Variants in LSR observed in about 807,000 individuals in gnomAD.
The protein encoded by LSR is lipolysis-stimulated lipoprotein receptor.
Under a neutral mutation model 61.8 loss-of-function variants are expected in LSR, and 44 were observed. The observed-to-expected ratio is 0.71, with a 90% CI of 0.56 to 0.91. The LOEUF (loss-of-function observed/expected upper bound fraction) is 0.91. Among genes scored for constraint, LSR ranks in the 40% least tolerant of loss-of-function variants. LSR has a pLI of 0.00. For synonymous variants in LSR, 397 were observed against 350.6 expected (o/e 1.13, Z -1.48); for missense variants, 911 against 830.5 (o/e 1.10, Z -1.19).
chr19:35,250,795 CT>C (rs564341537), intron 2 of LSR, 136 bp downstream of exon 2: 47,225 of 411,758 alleles, frequency 0.11, no homozygotes, highest in Middle Eastern at 0.15. Flanking sequence ...GGGAGCAATT[CT>C]TTTTTTTTTT....
In LSR at chr19:35,259,082, G is replaced by C. The variant is rs1454151724; in HGVS notation, c.574+18G>C. On this transcript the variant is annotated intron_variant, in intron 3 of 9. Coordinates refer to ENST00000605618, the MANE Select transcript of LSR (RefSeq NM_205834.4). ...CGTCCTTGGTGAGTGGGCCTGGGAA[G>C]GGGGAGGCATGGCCCTTCCTTTTGT... is the stretch of plus-strand genomic sequence containing the variant. 6 of 1,609,132 alleles carry C rather than the reference G, an allele frequency of 3.7e-6. No homozygotes were observed. The African/African-American group carries it at 4.0e-5, about 11-fold the overall frequency.
chr19:35,260,405 C>T (rs149536712), intron 3 of LSR, among the ~76,000 whole-genome samples: 18,044 of 150,314 alleles, frequency 0.12, 1,277 homozygotes, highest in South Asian at 0.23. Context: ...CATTCTCCTG[C>T]CTCAGCCTCC....
At position 35,262,453 on chromosome 19, in the gene LSR, C is replaced by T. The variant is rs886736084; in HGVS notation, c.632-93C>T. 2.1e-6 allele frequency: 3 copies of T among 1,434,392 alleles called. No homozygotes were observed. The African/African-American group carries it at 4.2e-5, about 20-fold the overall frequency. 88.9% of individuals were successfully genotyped at this position (1,434,392 alleles called of 1,614,324 possible). ...GTGAGCTTTGCAAATCGTCCCCGAC[C>T]TCAGTGCTGGCTCCGCACCATGTAC... On this transcript the variant is annotated intron_variant, in intron 4 of 9. Transcript: ENST00000605618.
intron 2 of LSR, among the ~76,000 whole-genome samples, chr19:35,258,192 C>T (rs1273481460): frequency 1.3e-5 from 2 of 152,026 alleles, no homozygotes; most frequent in Non-Finnish European, 2.9e-5. Flanking sequence ...GCCTGTAATC[C>T]CAGCACTTTG....
rs774807162 is a variant in LSR, at chr19:35,267,572, C to A, written c.1608C>A (p.Leu536=). ...PRDNGSRSGD[L]PYDGRLLEEA... Reference sequence around the variant, plus strand: ...ACAACGGCTCCAGGTCCGGGGACCTCCCCTATGATGGGCGGCTACTGGAGG... The same window carrying A: ...ACAACGGCTCCAGGTCCGGGGACCTACCCTATGATGGGCGGCTACTGGAGG... Residue 536 remains leucine (L), a synonymous_variant, in exon 9 of 10, where the codon CTC becomes CTA. Transcript: ENST00000605618. 1.9e-5 allele frequency: 31 copies of A among 1,612,214 alleles called. No homozygotes were observed. The highest frequency in any genetic ancestry group is 2.6e-5 in the Non-Finnish European group (31 of 1,179,764).
At position 35,249,077 on chromosome 19, in the gene LSR, G is replaced by T; in HGVS notation, c.55G>T (p.Ala19Ser). The T allele has an allele frequency of 6.4e-7, 1 of 1,562,084 alleles. No homozygotes were observed. The highest frequency in any genetic ancestry group is 8.7e-7 in the Non-Finnish European group (1 of 1,155,004). ...AGGGCTGGGCTCCCACCCGGCCGCC[G>T]CAGGCCGGGACGCGGTCGTCTTCGT... ...SRGLGSHPAA[A>S]GRDAVVFVWL... The change falls in exon 1 of 10, where the codon GCA (alanine) becomes TCA (serine). Residue 19 changes from alanine to serine, a missense_variant. Ala to Ser is a moderately conservative substitution (Grantham distance 99). Coordinates refer to ENST00000605618, the MANE Select transcript of LSR (RefSeq NM_205834.4).
intron 2 of LSR, among the ~76,000 whole-genome samples, chr19:35,253,067 C>T (rs1006550103): frequency 1.3e-5 from 2 of 151,494 alleles, no homozygotes; most frequent in Non-Finnish European, 2.9e-5. Flanking sequence ...CACCTGTAAT[C>T]CCAGCACTTT....
In LSR at chr19:35,267,733, A is replaced by G. The variant is rs769349440; in HGVS notation, c.1769A>G (p.Lys590Arg). The G allele has an allele frequency of 6.2e-7, 1 of 1,607,248 alleles. No individual in the cohort carries two copies. The highest frequency in any genetic ancestry group is 1.7e-5 in the Admixed American group (1 of 57,888). ...GCGTCCCGAGAGCGCAGGCTCAAGA[A>G]GGTGAGGGCCGCCCTCCCTGGCGTC... ...SQASRERRLK[K>R]NLALSRESLV... The change falls in exon 9 of 10, where the codon AAG (lysine) becomes AGG (arginine). Residue 590 changes from lysine to arginine, a missense_variant and splice_region_variant. Transcript: ENST00000605618.
intron 2 of LSR, among the ~76,000 whole-genome samples, chr19:35,252,328 G>A (rs943936109): frequency 2.0e-5 from 3 of 152,056 alleles, no homozygotes; most frequent in South Asian, 2.1e-4. Context: ...GAGACTGGCA[G>A]TAAATAAGCA....
At position 35,267,597 on chromosome 19, in the gene LSR, G is replaced by A. The variant is rs554101125; in HGVS notation, c.1633G>A (p.Glu545Lys). Residue 545 changes from glutamate to lysine, a missense_variant, in exon 9 of 10, where the codon GAG becomes AAG. Transcript: ENST00000605618. Reference protein sequence around the residue: ...DLPYDGRLLEEAVRKKGSEER... With the variant: ...DLPYDGRLLEKAVRKKGSEER... ...CCCCTATGATGGGCGGCTACTGGAG[G>A]AGGCTGTGAGGAAGAAGGGGTCGGA... The A allele has an allele frequency of 4.2e-5, 67 of 1,612,300 alleles. No individual in the cohort carries two copies. Among genetic ancestry groups the A allele is most frequent in the Admixed American group, 1.0e-4 (6 of 59,916 alleles).
chr19:35,253,842 G>A (rs1306856181), intron 2 of LSR, among the ~76,000 whole-genome samples: 1 of 152,170 alleles, frequency 6.6e-6, no homozygotes, highest in Non-Finnish European at 1.5e-5. Flanking sequence ...TGCTTCCTCT[G>A]CTGGACGCAA....
chr19:35,266,282 C>A, intron 5 of LSR, 77 bp from the exon 6 acceptor site: 1 of 1,237,632 alleles, frequency 8.1e-7, no homozygotes, highest in Non-Finnish European at 1.1e-6. Context: ...AGGCCCAGGT[C>A]CCTCCGGAAC....
intron 5 of LSR, 101 bp downstream of exon 5, chr19:35,262,793 G>A (rs548864880): frequency 1.4e-6 from 2 of 1,465,258 alleles, no homozygotes; most frequent in Admixed American, 2.1e-5. Flanking sequence ...CGTTGGTCTG[G>A]AGGGTGTGAA....
chr19:35,257,376 G>A (rs1417025832), intron 2 of LSR, among the ~76,000 whole-genome samples: 2 of 152,188 alleles, frequency 1.3e-5, no homozygotes, highest in South Asian at 4.1e-4. Context: ...GGTGAGGCTG[G>A]CACGGTAGCT....
chr19:35,254,844 G>A (rs1489436076), intron 2 of LSR, among the ~76,000 whole-genome samples: 1 of 152,094 alleles, frequency 6.6e-6, no homozygotes, highest in African/African-American at 2.4e-5. Flanking sequence ...AAAAGAAGCC[G>A]GAAAACTATA....
intron 2 of LSR, among the ~76,000 whole-genome samples, chr19:35,253,845 G>T (rs1222596018): frequency 6.6e-6 from 1 of 152,186 alleles, no homozygotes; most frequent in Non-Finnish European, 1.5e-5. Flanking sequence ...TTCCTCTGCT[G>T]GACGCAAAAG....
At chr19:35,258,683 C>G (rs1048126324) in intron 2 of LSR, among the ~76,000 whole-genome samples, 1 of 152,138 alleles carries the variant, frequency 6.6e-6, no homozygotes, top group Non-Finnish European at 1.5e-5. Flanking sequence ...TGCAGCTTTT[C>G]CAGACCCGAA....
intron 2 of LSR, among the ~76,000 whole-genome samples, 195 bp from the exon 3 acceptor site, chr19:35,258,750 G>A (rs1455053619): frequency 6.6e-6 from 1 of 152,220 alleles, no homozygotes; most frequent in African/African-American, 2.4e-5. Context: ...TCTTGCAGTA[G>A]TCCAGGTGTT....
chr19:35,267,522 C>G lies in LSR; in HGVS notation c.1558C>G (p.His520Asp), dbSNP rs2066034217. 1 of 1,612,012 alleles carries G rather than the reference C, an allele frequency of 6.2e-7. No homozygotes were observed. Among genetic ancestry groups the G allele is most frequent in the East Asian group, 2.2e-5 (1 of 44,868 alleles). ...ERPPADPRSH[H>D]HRTRDPRDNG... ...CCCTCCTGCCGACCCCAGGTCCCAC[C>G]ACCACCGTACCCGGGACCCTCGGGA... is the stretch of plus-strand genomic sequence containing the variant. Residue 520 changes from histidine (H) to aspartate (D), a missense_variant, in exon 9 of 10, where the codon CAC (histidine) becomes GAC (aspartate). Physicochemically the swap from His to Asp is moderately conservative, Grantham distance 81 (BLOSUM62 -1). Transcript: ENST00000605618.
Sources: allele counts gnomAD v4.1 joint callset (sites outside exome capture counted in the v4.1 genomes callset), GRCh38; gene constraint gnomAD v4.1.1; transcripts MANE v1.5; gene names NCBI Gene and HGNC (gene_info 2026-07-23, HGNC 2026-07-21).